Variants in MITF observed in about 807,000 individuals in gnomAD.
MITF encodes melanocyte inducing transcription factor.
MITF carries 17 observed loss-of-function variants against 60.5 expected under a neutral mutation model. That is an observed-to-expected ratio of 0.28 (90% CI 0.19 to 0.42). The LOEUF (loss-of-function observed/expected upper bound fraction) is 0.42. Among genes scored for constraint, MITF ranks in the 10% least tolerant of loss-of-function variants. The pLI is 1.00. For missense variants in MITF, 622 were observed against 683.5 expected (o/e 0.91, Z 1.00); for synonymous variants, 260 against 248.5 (o/e 1.05, Z -0.43).
At chr3:69,780,589 A>T (rs1463102013) in intron 1 of MITF, among the ~76,000 whole-genome samples, 1 of 152,206 alleles carries the variant, frequency 6.6e-6, no homozygotes, top group African/African-American at 2.4e-5. Flanking sequence ...TTGCCATTAG[A>T]TGATGGCTGG....
At chr3:69,963,931 A>T (rs2066613694) in intron 9 of MITF, among the ~76,000 whole-genome samples, 1 of 150,292 alleles carries the variant, frequency 6.7e-6, no homozygotes, top group Non-Finnish European at 1.5e-5. Context: ...AAGCTGAAGG[A>T]CCATGAACTC....
intron 1 of MITF, among the ~76,000 whole-genome samples, chr3:69,822,460 G>C (rs2063290836): frequency 6.6e-6 from 1 of 152,088 alleles, no homozygotes; most frequent in African/African-American, 2.4e-5. Flanking sequence ...TTCCATTCCT[G>C]GCACTGTCAT....
At chr3:69,741,938 T>C (rs1223677684) in intron 1 of MITF, among the ~76,000 whole-genome samples, 1 of 152,186 alleles carries the variant, frequency 6.6e-6, no homozygotes, top group Non-Finnish European at 1.5e-5. Flanking sequence ...TCGGAAAAAG[T>C]TGAAATTGAT....
chr3:69,773,587 C>T (rs1486433285), intron 1 of MITF, among the ~76,000 whole-genome samples: 1 of 152,166 alleles, frequency 6.6e-6, no homozygotes, highest in Non-Finnish European at 1.5e-5. Context: ...GGTTTTGATA[C>T]TGTTACCCTG....
chr3:69,951,650 A>C (rs2066257638), intron 6 of MITF, among the ~76,000 whole-genome samples, 162 bp from the exon 7 acceptor site: 1 of 152,254 alleles, frequency 6.6e-6, no homozygotes, highest in Admixed American at 6.5e-5. Flanking sequence ...TTTTGAAAAC[A>C]TGCAAGCTTT....
At chr3:69,759,779 C>G (rs376568671) in intron 1 of MITF, among the ~76,000 whole-genome samples, 5 of 152,048 alleles carry the variant, frequency 3.3e-5, no homozygotes, top group African/African-American at 9.7e-5. Flanking sequence ...GGTACCTGAT[C>G]GCTCTCTTTT....
intron 1 of MITF, among the ~76,000 whole-genome samples, chr3:69,811,801 G>A (rs2050986024): frequency 2.0e-5 from 3 of 152,304 alleles, no homozygotes; most frequent in Admixed American, 2.0e-4. Flanking sequence ...ATTTGAGGAA[G>A]ACTGTGTACA....
chr3:69,818,759 T>C (rs574227179), intron 1 of MITF, among the ~76,000 whole-genome samples: 1 of 152,334 alleles, frequency 6.6e-6, no homozygotes, highest in South Asian at 2.1e-4. Flanking sequence ...CTTTTATGAA[T>C]ATTTTAATGA....
At chr3:69,876,430 C>T (rs542351507) in intron 1 of MITF, among the ~76,000 whole-genome samples, 2 of 152,178 alleles carry the variant, frequency 1.3e-5, no homozygotes, top group South Asian at 2.1e-4. Flanking sequence ...CCCCGCCACC[C>T]GCCATGCCCC....
chr3:69,753,608 G>A (rs1704017191), intron 1 of MITF, among the ~76,000 whole-genome samples: 1 of 152,232 alleles, frequency 6.6e-6, no homozygotes, highest in Non-Finnish European at 1.5e-5. Context: ...CAAAGCCACA[G>A]GGGTGGAACT....
intron 1 of MITF, among the ~76,000 whole-genome samples, chr3:69,867,098 A>G (rs934398842): frequency 6.6e-6 from 1 of 152,200 alleles, no homozygotes. Context: ...ATTTGAAAAC[A>G]GTGCTAAAAG....
At chr3:69,795,080 C>G (rs2062806646) in intron 1 of MITF, among the ~76,000 whole-genome samples, 1 of 152,116 alleles carries the variant, frequency 6.6e-6, no homozygotes, top group Non-Finnish European at 1.5e-5. Flanking sequence ...CTGTACATGT[C>G]TTCAGTGGAT....
intron 5 of MITF, among the ~76,000 whole-genome samples, chr3:69,942,969 C>T (rs925474321): frequency 6.6e-6 from 1 of 151,868 alleles, no homozygotes; most frequent in Non-Finnish European, 1.5e-5. Context: ...CTCAAGTGAA[C>T]TGTAGAATTG....
intron 7 of MITF, among the ~76,000 whole-genome samples, chr3:69,952,858 G>A (rs1309495247): frequency 2.0e-5 from 3 of 152,002 alleles, no homozygotes; most frequent in Non-Finnish European, 4.4e-5. Flanking sequence ...TAGAAATCTA[G>A]ATCTATCTAC....
At chr3:69,773,304 G>A (rs1223861317) in intron 1 of MITF, among the ~76,000 whole-genome samples, 1 of 152,154 alleles carries the variant, frequency 6.6e-6, no homozygotes, top group Non-Finnish European at 1.5e-5. Context: ...TGGGGCAGAG[G>A]CAGACACTGT....
intron 1 of MITF, among the ~76,000 whole-genome samples, chr3:69,794,929 T>G (rs2062804054): frequency 6.6e-6 from 1 of 152,254 alleles, no homozygotes; most frequent in African/African-American, 2.4e-5. Context: ...CTGGGACATG[T>G]AACAGTAGTT....
intron 2 of MITF, among the ~76,000 whole-genome samples, chr3:69,925,312 A>G (rs1212141290): frequency 2.0e-5 from 3 of 152,132 alleles, no homozygotes; most frequent in African/African-American, 7.2e-5. Flanking sequence ...CAGATGTTTA[A>G]CAATACTAAA....
intron 1 of MITF, among the ~76,000 whole-genome samples, chr3:69,768,777 A>T (rs2062343113): frequency 6.6e-6 from 1 of 152,206 alleles, no homozygotes; most frequent in Admixed American, 6.5e-5. Context: ...TCCAACCCAG[A>T]ATCATTTATA....
intron 1 of MITF, among the ~76,000 whole-genome samples, chr3:69,846,710 A>T (rs1446800080): frequency 6.6e-6 from 1 of 150,928 alleles, no homozygotes; most frequent in East Asian, 2.0e-4. Context: ...CCAGCTGCTC[A>T]GGAGGCTGAG....
Sources: gnomAD v4.1 joint callset for allele counts (sites outside exome capture counted in the v4.1 genomes callset) on GRCh38, gnomAD v4.1.1 for gene constraint, MANE v1.5 for transcripts, NCBI Gene and HGNC (gene_info 2026-07-23, HGNC 2026-07-21) for gene names.